Variants in ANP32E observed in about 807,000 individuals in gnomAD.
ANP32E encodes acidic nuclear phosphoprotein 32 family member E.
In ANP32E, 14 loss-of-function variants were observed where a neutral mutation model predicts 35.3. The ratio of observed to expected loss-of-function variants is 0.40; its 90% confidence interval spans 0.26 to 0.62. The LOEUF is 0.62. ANP32E is among the 20% of genes least tolerant of loss of function. The probability of loss-of-function intolerance (pLI) is 0.45; values close to 1 mark genes in which losing one functional copy is unlikely to be tolerated. For synonymous variants in ANP32E, 89 were observed against 110.4 expected (o/e 0.81, Z 1.22); for missense variants, 198 against 304.4 (o/e 0.65, Z 2.60).
At chr1:150,228,968 G>T in intron 4 of ANP32E, 104 bp downstream of exon 4, 2 of 984,150 alleles carry the variant, frequency 2.0e-6, no homozygotes, top group Non-Finnish European at 3.0e-6. Flanking sequence ...ATATCTTGTT[G>T]TGGATTTTTT....
At chr1:150,226,028 C>CA (rs1170329403) in intron 5 of ANP32E, among the ~76,000 whole-genome samples, 4 of 120,140 alleles carry the variant, frequency 3.3e-5, no homozygotes, top group Non-Finnish European at 6.8e-5. Flanking sequence ...TTTTTTGAGA[C>CA]AGAGTCTTGC....
At chr1:150,225,036 A>G (rs1648753673) in intron 5 of ANP32E, among the ~76,000 whole-genome samples, 1 of 152,204 alleles carries the variant, frequency 6.6e-6, no homozygotes, top group African/African-American at 2.4e-5. Context: ...TCTGTAGGCA[A>G]TAGAATTCTG....
intron 1 of ANP32E, among the ~76,000 whole-genome samples, chr1:150,233,638 G>A (rs781957617): frequency 1.3e-5 from 2 of 152,102 alleles, no homozygotes; most frequent in Non-Finnish European, 1.5e-5. Flanking sequence ...AATCTTTAAG[G>A]GAAAGGTTGA....
chr1:150,219,373 T>C lies in ANP32E; in HGVS notation c.*1318A>G, dbSNP rs1247529692. 6.6e-6 allele frequency: 1 copy of C among 152,242 alleles called. No homozygotes were observed. 9.4% of individuals were successfully genotyped at this position (152,242 alleles called of 1,614,324 possible). On this transcript the variant is annotated 3_prime_UTR_variant, in exon 7 of 7. Coordinates refer to ENST00000583931, the MANE Select transcript of ANP32E (RefSeq NM_030920.5). ...CACTCACTTATCCCAAATATTTTTC[T>C]ACTTTTAATGGACATCCACTTGAAA...
intron 1 of ANP32E, among the ~76,000 whole-genome samples, chr1:150,234,953 T>C (rs1649656860): frequency 6.6e-6 from 1 of 152,224 alleles, no homozygotes; most frequent in Non-Finnish European, 1.5e-5. Context: ...ACGTCCCTTA[T>C]GTTGAGTTTT....
intron 1 of ANP32E, among the ~76,000 whole-genome samples, chr1:150,234,856 C>CCCT (rs1649649984): frequency 6.6e-6 from 1 of 152,208 alleles, no homozygotes; most frequent in Admixed American, 6.5e-5. Context: ...CTCACATGGC[C>CCCT]CCTCCCAACC....
At chr1:150,225,830 T>G (rs1648828237) in intron 5 of ANP32E, among the ~76,000 whole-genome samples, 1 of 152,076 alleles carries the variant, frequency 6.6e-6, no homozygotes, top group Non-Finnish European at 1.5e-5. Flanking sequence ...AGAATACTCC[T>G]AAGTGGTGAT....
chr1:150,235,034 G>T lies in ANP32E; in HGVS notation c.54+699C>A, dbSNP rs1312141110. 6.6e-6 allele frequency among the ~76,000 whole-genome samples: 1 copy of T among 152,236 alleles called. No individual in the cohort carries two copies. Among genetic ancestry groups the T allele is most frequent in the African/African-American group, 2.4e-5 (1 of 41,464 alleles). ...CGTGCCACATATCGTTACACGGCGG[G>T]GGAAGAAGCGGATTACGCCTCCCGT... On this transcript the variant is annotated intron_variant, in intron 1 of 6. Transcript: ENST00000583931. The surrounding 1 kb of genome is among the most constrained non-coding windows in gnomAD (Gnocchi z 4.2).
At chr1:150,222,946 T>G (rs1648549066) in intron 6 of ANP32E, among the ~76,000 whole-genome samples, 2 of 151,940 alleles carry the variant, frequency 1.3e-5, no homozygotes, top group African/African-American at 2.4e-5. Flanking sequence ...CATTTGTTTT[T>G]AAAATAAATG....
intron 1 of ANP32E, among the ~76,000 whole-genome samples, chr1:150,234,123 T>C (rs189661754): frequency 7.2e-5 from 11 of 152,064 alleles, no homozygotes; most frequent in South Asian, 4.1e-4. Context: ...GCGGAAGAAG[T>C]TGAAAAAAGG....
rs1183834202 is a variant in ANP32E, at chr1:150,219,352, CACTT to C, written c.*1335_*1338del. On this transcript the variant is annotated 3_prime_UTR_variant, in exon 7 of 7. Coordinates refer to ENST00000583931, the MANE Select transcript of ANP32E (RefSeq NM_030920.5). ...GTAGCCATGTAAGGAAACACACACT[CACTT>C]ATCCCAAATATTTTTCTACTTTTAA... 1 of 152,192 alleles carries C rather than the reference CACTT, an allele frequency of 6.6e-6. No homozygotes were observed. Among genetic ancestry groups the C allele is most frequent in the Non-Finnish European group, 1.5e-5 (1 of 68,022 alleles). 9.4% of individuals were successfully genotyped at this position (152,192 alleles called of 1,614,324 possible). A position where few individuals can be genotyped will look rare whatever the true frequency, so the allele number is the denominator to read the frequency against.
intron 3 of ANP32E, 59 bp from the exon 4 acceptor site, chr1:150,229,296 TTC>T (rs1649148045): frequency 6.3e-6 from 5 of 797,040 alleles, no homozygotes; most frequent in Admixed American, 4.6e-5. Context: ...TATTTCTTTT[TTC>T]TTTTTTTTTT....
chr1:150,234,666 C>A (rs1649635580), intron 1 of ANP32E: 2 of 985,588 alleles, frequency 2.0e-6, no homozygotes, highest in Non-Finnish European at 1.2e-6. Context: ...CGCGACCTGC[C>A]GCTCCGACTG....
In ANP32E at chr1:150,229,303, T is replaced by C. The variant is rs149267686; in HGVS notation, c.328-66A>G. 8.0e-6 allele frequency: 8 copies of C among 994,872 alleles called. No homozygotes were observed. The East Asian group carries it at 1.4e-4, about 17-fold the overall frequency. The allele number at this position is 994,872 out of a possible 1,614,324, so 61.6% of individuals were successfully genotyped here. The stretch of plus-strand genomic sequence containing the variant: ...TACCATGTTATTTCTTTTTTCTTTT[T>C]TTTTTTTTTTTTTTGAGACGGAGTC... On this transcript the variant is annotated intron_variant, in intron 3 of 6. Transcript: ENST00000583931.
chr1:150,225,107 C>T (rs1648758153), intron 5 of ANP32E, among the ~76,000 whole-genome samples: 1 of 152,104 alleles, frequency 6.6e-6, no homozygotes, highest in East Asian at 1.9e-4. Flanking sequence ...TAGAGAGCTT[C>T]AATGATGAGG....
intron 1 of ANP32E, among the ~76,000 whole-genome samples, chr1:150,233,002 C>T (rs943585209): frequency 6.6e-6 from 1 of 151,912 alleles, no homozygotes; most frequent in Non-Finnish European, 1.5e-5. Flanking sequence ...CGGGGGCTCA[C>T]GCCTGTAATC....
At chr1:150,234,762 G>T (rs2101800200) in intron 1 of ANP32E, 1 of 781,232 alleles carries the variant, frequency 1.3e-6, no homozygotes, top group African/African-American at 1.9e-5. Context: ...CTTCGCCCTG[G>T]GTAGGTGAGG....
chr1:150,231,438 T>G (rs1367115201), intron 2 of ANP32E, among the ~76,000 whole-genome samples: 2 of 151,680 alleles, frequency 1.3e-5, no homozygotes, highest in African/African-American at 4.8e-5. Context: ...CTGCAAAAAA[T>G]ACAAAAATTA....
Position 150,226,700 on chromosome 1 carries a change from C to T in ANP32E, c.589G>A (p.Asp197Asn), listed in dbSNP as rs983675670. The part of the protein sequence containing the change: ...EEEEEEEEDE[D>N]EDEDEDEAGS... ...GCTTCATCTTCATCTTCATCCTCATCCTCATCCTCCTCTTCCTCTTCCTCC... is the reference window on the plus strand; with the variant it reads ...GCTTCATCTTCATCTTCATCCTCATTCTCATCCTCCTCTTCCTCTTCCTCC... The change falls in exon 5 of 7, where the codon GAT becomes AAT. Residue 197 changes from aspartate to asparagine, a missense_variant. By Grantham distance (23) the Asp-to-Asn change is conservative. This residue lies in a region of ANP32E where 121 missense variants were observed against 137.3 expected (regional missense o/e 0.88). Transcript: ENST00000583931. 1 of 1,578,206 alleles carries T rather than the reference C, an allele frequency of 6.3e-7. No homozygotes were observed. Among genetic ancestry groups the T allele is most frequent in the Non-Finnish European group, 8.7e-7 (1 of 1,153,372 alleles).
Sources: allele counts gnomAD v4.1 joint callset (sites outside exome capture counted in the v4.1 genomes callset), GRCh38; gene constraint gnomAD v4.1.1; regional missense constraint gnomAD v4.1.1; non-coding constraint Gnocchi (gnomAD v3.1); transcripts MANE v1.5; gene names NCBI Gene and HGNC (gene_info 2026-07-23, HGNC 2026-07-21).